PPEF2: variants seen among roughly 807,000 people sequenced by gnomAD.
The protein encoded by PPEF2 is serine/threonine-protein phosphatase with EF-hands 2.
Under a neutral mutation model 84.7 loss-of-function variants are expected in PPEF2, and 84 were observed. The observed-to-expected ratio is 0.99, with a 90% CI of 0.83 to 1.19. PPEF2 has a LOEUF of 1.19. Among genes scored for constraint, PPEF2 ranks in the 50% most tolerant of loss-of-function variants. The probability of loss-of-function intolerance (pLI) is 0.00; values close to 1 mark genes in which losing one functional copy is unlikely to be tolerated. For synonymous variants in PPEF2, 346 were observed against 345.2 expected (o/e 1.00, Z -0.03); for missense variants, 924 against 937.5 (o/e 0.99, Z 0.19).
At chr4:75,876,026 A>G (rs2056021) in intron 11 of PPEF2, among the ~76,000 whole-genome samples, 152,235 of 152,278 alleles carry the variant, frequency 1, 76,096 homozygotes, top group Non-Finnish European at 1. Context: ...CCAACAAATC[A>G]TAGCTTATCT....
At chr4:75,896,422 G>A in intron 1 of PPEF2, 39 bp from the exon 2 acceptor site, 1 of 1,370,908 alleles carries the variant, frequency 7.3e-7, no homozygotes, top group Non-Finnish European at 1.0e-6. Context: ...AGGAGATGCA[G>A]GCAGAGTATT....
chr4:75,879,809 G>C (rs569345174), intron 10 of PPEF2, among the ~76,000 whole-genome samples: 1 of 149,082 alleles, frequency 6.7e-6, no homozygotes, highest in Admixed American at 7.0e-5. Context: ...AATATTACTT[G>C]AATTTTTAAA....
At chr4:75,868,423 A>G (rs560691851) in intron 13 of PPEF2, among the ~76,000 whole-genome samples, 21 of 152,130 alleles carry the variant, frequency 1.4e-4, no homozygotes, top group African/African-American at 5.1e-4. Context: ...CAGATAACCT[A>G]TCTTTTCCCG....
Position 75,860,743 on chromosome 4 carries a change from G to A in PPEF2, c.2186C>T (p.Pro729Leu). The A allele has an allele frequency of 6.2e-7, 1 of 1,614,212 alleles. No homozygotes were observed. Among genetic ancestry groups the A allele is most frequent in the Non-Finnish European group, 8.5e-7 (1 of 1,180,032 alleles). The change falls in exon 17 of 17, where the codon CCA (proline) becomes CTA (leucine). Residue 729 changes from proline (P) to leucine (L), a missense_variant. By Grantham distance (98) the Pro-to-Leu change is moderately conservative. Coordinates refer to ENST00000286719, the MANE Select transcript of PPEF2 (RefSeq NM_006239.3). ...EAFRLVEKSC[P>L]EGDASECPQA... ...TGGGCATTCTGAGGCATCGCCCTCT[G>A]GGCAGGATTTCTCCACAAGGCGGAA...
intron 10 of PPEF2, among the ~76,000 whole-genome samples, chr4:75,877,916 C>A (rs1546567): frequency 6.6e-6 from 1 of 152,072 alleles, no homozygotes; most frequent in African/African-American, 2.4e-5. Flanking sequence ...AGACCAGTGA[C>A]TTTTTTAGAC....
At chr4:75,886,527 C>T (rs1459859159) in intron 7 of PPEF2, among the ~76,000 whole-genome samples, 1 of 152,012 alleles carries the variant, frequency 6.6e-6, no homozygotes, top group Non-Finnish European at 1.5e-5. Flanking sequence ...GAAAGTCAGC[C>T]CTCGACACAA....
At chr4:75,879,362 C>CA (rs1724508027) in intron 10 of PPEF2, among the ~76,000 whole-genome samples, 2 of 152,180 alleles carry the variant, frequency 1.3e-5, no homozygotes, top group Admixed American at 6.5e-5. Context: ...TTAACATGGG[C>CA]AAAATCTGTC....
chr4:75,874,960 G>C (rs1724372898), intron 11 of PPEF2, among the ~76,000 whole-genome samples: 1 of 147,876 alleles, frequency 6.8e-6, no homozygotes, highest in African/African-American at 2.5e-5. Context: ...GAAGTGCAGT[G>C]GCACGATCTC....
chr4:75,888,146 C>G (rs1199354426), intron 6 of PPEF2, 68 bp downstream of exon 6: 5 of 1,237,194 alleles, frequency 4.0e-6, no homozygotes, highest in Non-Finnish European at 5.9e-6. Flanking sequence ...ACTCCTCTTG[C>G]ATCCCCACAC....
chr4:75,876,263 G>C (rs763314405), intron 11 of PPEF2, 24 bp downstream of exon 11: 1 of 1,562,116 alleles, frequency 6.4e-7, no homozygotes, highest in Admixed American at 1.8e-5. Flanking sequence ...CACATGCTAG[G>C]AAGCAGCGCC....
intron 2 of PPEF2, among the ~76,000 whole-genome samples, chr4:75,893,369 G>T (rs1318502833): frequency 1.3e-4 from 20 of 152,124 alleles, no homozygotes; most frequent in Admixed American, 1.3e-3. Context: ...ATGGTGGCAG[G>T]CATCTGTAAT....
At chr4:75,899,146 T>A (rs1725068343) in intron 1 of PPEF2, among the ~76,000 whole-genome samples, 1 of 152,182 alleles carries the variant, frequency 6.6e-6, no homozygotes, top group Non-Finnish European at 1.5e-5. Flanking sequence ...TCACTTAACA[T>A]AATGTCCTCC....
At chr4:75,892,421 A>T (rs1724911292) in intron 2 of PPEF2, among the ~76,000 whole-genome samples, 1 of 152,186 alleles carries the variant, frequency 6.6e-6, no homozygotes, top group Non-Finnish European at 1.5e-5. Context: ...ATCTAGACCT[A>T]GAACTGCCCT....
intron 16 of PPEF2, among the ~76,000 whole-genome samples, chr4:75,863,327 TA>T (rs1246892489): frequency 7.1e-5 from 3 of 42,124 alleles, no homozygotes. Context: ...CTGTCTCTAC[TA>T]AAAATACAAA....
chr4:75,887,639 A>G (rs1224627026), intron 6 of PPEF2, among the ~76,000 whole-genome samples: 1 of 138,658 alleles, frequency 7.2e-6, no homozygotes, highest in Non-Finnish European at 1.6e-5. Context: ...AAAAAAAAAA[A>G]ACTTTATGAA....
At chr4:75,886,342 C>T (rs1724723529) in intron 7 of PPEF2, among the ~76,000 whole-genome samples, 1 of 152,284 alleles carries the variant, frequency 6.6e-6, no homozygotes, top group South Asian at 2.1e-4. Flanking sequence ...TACCCGAGGC[C>T]GGTGCGGAGA....
At chr4:75,899,156 C>CACTTAACATA (rs1725068585) in intron 1 of PPEF2, among the ~76,000 whole-genome samples, 1 of 152,270 alleles carries the variant, frequency 6.6e-6, no homozygotes, top group South Asian at 2.1e-4. Context: ...TAATGTCCTC[C>CACTTAACATA]AGGTTCACCC....
chr4:75,865,406 T>C (rs1724102585), intron 15 of PPEF2, among the ~76,000 whole-genome samples: 1 of 151,382 alleles, frequency 6.6e-6, no homozygotes, highest in Admixed American at 6.6e-5. Flanking sequence ...TTTGTTTTTT[T>C]AAACAGAGTC....
rs1233810271 is a variant in PPEF2, at chr4:75,876,565, GA to G, written c.1041del (p.Leu348SerfsTer51). ...GAGGGAAGAGAGCGGCTTTCGGGGA[GA>G]AACCATGGGATGGGTCCCTGTGCAG... is the stretch of plus-strand genomic sequence containing the variant. ...KSSAQGPIPWFLPESRSLPSS... is the reference protein window; with the variant it reads ...KSSAQGPIPWXLPESRSLPSS... On this transcript the variant is annotated frameshift_variant, in exon 11 of 17. Coordinates refer to ENST00000286719, the MANE Select transcript of PPEF2 (RefSeq NM_006239.3). LOFTEE classifies it high-confidence loss of function. 1 of 1,613,970 alleles carries G rather than the reference GA, an allele frequency of 6.2e-7. No homozygotes were observed. Among genetic ancestry groups the G allele is most frequent in the Non-Finnish European group, 8.5e-7 (1 of 1,180,028 alleles).
Sources: allele counts gnomAD v4.1 joint callset (sites outside exome capture counted in the v4.1 genomes callset), GRCh38; gene constraint gnomAD v4.1.1; transcripts MANE v1.5; gene names NCBI Gene and HGNC (gene_info 2026-07-23, HGNC 2026-07-21).